Variants in ZAN observed in about 807,000 individuals in gnomAD.
The protein encoded by ZAN is zonadhesin.
Under a neutral mutation model 286.2 loss-of-function variants are expected in ZAN, and 260 were observed. That is an observed-to-expected ratio of 0.91 (90% CI 0.82 to 1.01). The LOEUF (loss-of-function observed/expected upper bound fraction) is 1.01. Among genes scored for constraint, ZAN ranks in the 50% least tolerant of loss-of-function variants. ZAN has a pLI of 0.00. For missense variants in ZAN, 3,410 were observed against 3,639.2 expected (o/e 0.94, Z 1.62); for synonymous variants, 1,368 against 1,417.5 (o/e 0.97, Z 0.79).
chr7:100,769,276 T>C (rs527370455), intron 27 of ZAN, among the ~76,000 whole-genome samples: 1 of 151,836 alleles, frequency 6.6e-6, no homozygotes, highest in South Asian at 2.1e-4. Context: ...GTATTTTTAT[T>C]TGAGACAGCG....
intron 39 of ZAN, among the ~76,000 whole-genome samples, 188 bp from the exon 40 acceptor site, chr7:100,790,754 G>A (rs1811884794): frequency 6.6e-6 from 1 of 151,108 alleles, no homozygotes. Context: ...ATGGTGGTGT[G>A]TGCCTGTAGT....
At chr7:100,778,812 C>G (rs1038764425) in intron 34 of ZAN, among the ~76,000 whole-genome samples, 8 of 152,010 alleles carry the variant, frequency 5.3e-5, no homozygotes, top group Admixed American at 1.3e-4. Flanking sequence ...GCGGGTGGAT[C>G]ACTTGAGGCC....
At position 100,738,864 on chromosome 7, in the gene ZAN, C is replaced by CTCTTCTTCTTCT. The variant is rs201544312; in HGVS notation, c.766+252_766+263dup. On this transcript the variant is annotated intron_variant, in intron 7 of 47. Coordinates refer to ENST00000613979, the MANE Select transcript of ZAN (RefSeq NM_003386.3). ...GCTCTTCTTCTTCTTCTTTCTCTTC[C>CTCTTCTTCTTCT]TCTTCTTCTTCTCCCTCTCCCTCTC... Among the ~76,000 whole-genome samples, 67 of 79,358 alleles carry CTCTTCTTCTTCT rather than the reference C, an allele frequency of 8.4e-4. 11 individuals carry two copies. The highest frequency in any genetic ancestry group is 1.6e-3 in the Non-Finnish European group (51 of 32,468). The allele number at this position is 79,358 out of a possible 152,430, so 52.1% of individuals were successfully genotyped here. A position where few individuals can be genotyped will look rare whatever the true frequency, so the allele number is the denominator to read the frequency against.
At chr7:100,768,562 C>A (rs1407113217) in intron 26 of ZAN, 48 bp from the exon 27 acceptor site, 1 of 1,509,578 alleles carries the variant, frequency 6.6e-7, no homozygotes, top group Non-Finnish European at 9.0e-7. Flanking sequence ...TGGGGCCTGG[C>A]CTGCTGGGGG....
In ZAN at chr7:100,779,554, G is replaced by C; in HGVS notation, c.6426G>C (p.Glu2142Asp). 6.2e-7 allele frequency: 1 copy of C among 1,611,784 alleles called. No individual in the cohort carries two copies. Among genetic ancestry groups the C allele is most frequent in the Non-Finnish European group, 8.5e-7 (1 of 1,179,074 alleles). The change falls in exon 35 of 48, where the codon GAG becomes GAC. Residue 2142 changes from glutamate (E) to aspartate (D), a missense_variant. This residue lies in a region of ZAN where 1,289 missense variants were observed against 1,314.3 expected (regional missense o/e 0.98). Transcript: ENST00000613979. ...TCCGCAGGGCGCGGGAAAAGTGCGAGGCAGCGCTCCGGGCTCCTGTGTGGG... is the reference window on the plus strand; with the variant it reads ...TCCGCAGGGCGCGGGAAAAGTGCGACGCAGCGCTCCGGGCTCCTGTGTGGG... ...ADLRRAREKC[E>D]AALRAPVWAQ...
chr7:100,745,965 T>C (rs568080973), intron 7 of ZAN, among the ~76,000 whole-genome samples: 1 of 152,122 alleles, frequency 6.6e-6, no homozygotes, highest in Non-Finnish European at 1.5e-5. Flanking sequence ...GGCTCATGTC[T>C]GTAATCCCAG....
In ZAN at chr7:100,779,489, C is replaced by G; in HGVS notation, c.6361C>G (p.Gln2121Glu). ...AGATGAGCAGCAGATTCCAGCGGAACAGCAGGAGAACCCGAGTGGAAACTG... is the reference window on the plus strand; with the variant it reads ...AGATGAGCAGCAGATTCCAGCGGAAGAGCAGGAGAACCCGAGTGGAAACTG... ...LVDEQQIPAEQQENPSGNCRA... is the reference protein window; with the variant it reads ...LVDEQQIPAEEQENPSGNCRA... Residue 2121 changes from glutamine (Q) to glutamate (E), a missense_variant, in exon 35 of 48, where the codon CAG (glutamine) becomes GAG (glutamate). Transcript: ENST00000613979. 1 of 1,611,858 alleles carries G rather than the reference C, an allele frequency of 6.2e-7. No homozygotes were observed. Among genetic ancestry groups the G allele is most frequent in the Non-Finnish European group, 8.5e-7 (1 of 1,179,160 alleles).
intron 35 of ZAN, among the ~76,000 whole-genome samples, chr7:100,780,744 T>C (rs1811145416): frequency 6.6e-6 from 1 of 152,046 alleles, no homozygotes; most frequent in Non-Finnish European, 1.5e-5. Flanking sequence ...CTGGTTCATG[T>C]CTCAGTATTT....
rs776173856 is a variant in ZAN, at chr7:100,795,307, C to T, written c.8237C>T (p.Pro2746Leu). The T allele has an allele frequency of 4.4e-6, 7 of 1,598,802 alleles. No homozygotes were observed. In the South Asian group the frequency reaches 6.7e-5, roughly 15 times the overall value. Residue 2746 changes from proline (P) to leucine (L), a missense_variant, in exon 45 of 48, where the codon CCT (proline) becomes CTT (leucine). By Grantham distance (98) the Pro-to-Leu change is moderately conservative. Coordinates refer to ENST00000613979, the MANE Select transcript of ZAN (RefSeq NM_003386.3). ...TACGGGGGAGGCCTGTGTATGGAGC[C>T]TCGAGATGCGCCACCTCCCAGAAAG... is the stretch of plus-strand genomic sequence containing the variant. ...VGYGGGLCME[P>L]RDAPPPRKPA... is the part of the protein sequence containing the mutation.
In ZAN at chr7:100,768,616, A is replaced by G. The variant is rs1266831934; in HGVS notation, c.5048A>G (p.Tyr1683Cys). 5.0e-6 allele frequency: 8 copies of G among 1,604,226 alleles called. No homozygotes were observed. The highest frequency in any genetic ancestry group is 6.8e-6 in the Non-Finnish European group (8 of 1,174,646). Residue 1683 changes from tyrosine to cysteine, a missense_variant, in exon 27 of 48, where the codon TAC becomes TGC. Coordinates refer to ENST00000613979, the MANE Select transcript of ZAN (RefSeq NM_003386.3). The part of the protein sequence containing the change: ...GGQLCGLCGN[Y>C]NNNSLDDNLR... ...TAATGACTCCCTCCTCTAGGGAACT[A>G]CAACAACAACAGCTTGGATGACAAC...
rs754970713 is a variant in ZAN at position 100,775,838 on chromosome 7, G to T, written c.6192+5G>T. The T allele has an allele frequency of 1.2e-6, 2 of 1,613,342 alleles. No individual in the cohort carries two copies. Among genetic ancestry groups the T allele is most frequent in the Non-Finnish European group, 1.7e-6 (2 of 1,179,670 alleles). On this transcript the variant is annotated splice_donor_5th_base_variant and intron_variant, in intron 33 of 47. Transcript: ENST00000613979. The stretch of plus-strand genomic sequence containing the variant: ...CCCACAACCTACTATGGAAAGGTGA[G>T]GAAAACATCTGGCTCTTCTCGCTGG...
chr7:100,784,721 C>T lies in ZAN; in HGVS notation c.6721C>T (p.Pro2241Ser), dbSNP rs1456257922. Reference sequence around the variant, plus strand: ...TGGCCGGTGTGAGGGCGCCAAAGTCCCCTCTGCCTGCGCTGAGGGCTGCAT... The same window carrying T: ...TGGCCGGTGTGAGGGCGCCAAAGTCTCCTCTGCCTGCGCTGAGGGCTGCAT... ...LDGRCEGAKV[P>S]SACAEGCICQ... Residue 2241 changes from proline to serine, a missense_variant, in exon 36 of 48, where the codon CCC becomes TCC. Around this residue, in one of 7 missense-constraint regions of ZAN, gnomAD observed 1,289 missense variants for 1,314.3 expected, o/e 0.98. Transcript: ENST00000613979. 3 of 1,613,820 alleles carry T rather than the reference C, an allele frequency of 1.9e-6. No homozygotes were observed. The African/African-American group carries it at 4.0e-5, about 22-fold the overall frequency.
At chr7:100,784,524 C>G in intron 35 of ZAN, 99 bp from the exon 36 acceptor site, 1 of 1,208,108 alleles carries the variant, frequency 8.3e-7, no homozygotes, top group Middle Eastern at 2.9e-4. Context: ...GCTCCCCAAG[C>G]CTTGTTGGTC....
In ZAN at chr7:100,764,033, C is replaced by T. The variant is rs1037918920; in HGVS notation, c.4104C>T (p.Cys1368=). 1.2e-6 allele frequency: 2 copies of T among 1,613,884 alleles called. No homozygotes were observed. The highest frequency in any genetic ancestry group is 2.7e-5 in the African/African-American group (2 of 75,050). ...LVDTHGPFET[C]LLHVKAASFF... ...ACTTGGTCACTCCCCTCAGGACATG[C>T]CTGCTGCACGTGAAGGCCGCTTCCT... The change falls in exon 22 of 48, where the codon TGC becomes TGT. Residue 1368 remains cysteine (C), a synonymous_variant. Transcript: ENST00000613979.
At position 100,776,466 on chromosome 7, in the gene ZAN, T is replaced by C. The variant is rs746463797; in HGVS notation, c.6219T>C (p.Asn2073=). The C allele has an allele frequency of 1.2e-6, 2 of 1,604,758 alleles. No homozygotes were observed. Among genetic ancestry groups the C allele is most frequent in the Non-Finnish European group, 1.7e-6 (2 of 1,175,630 alleles). ...TCTGCGGCATGTGTGGGAACTTCAA[T>C]GATGAGGAAGAGGACGAACTAATGA... ...GKVCGMCGNF[N]DEEEDELMMP... The change falls in exon 34 of 48, where the codon AAT becomes AAC. Residue 2073 remains asparagine (N), a synonymous_variant. Coordinates refer to ENST00000613979, the MANE Select transcript of ZAN (RefSeq NM_003386.3).
chr7:100,787,647 T>C (rs1241870502), intron 37 of ZAN, among the ~76,000 whole-genome samples: 2 of 152,116 alleles, frequency 1.3e-5, no homozygotes, highest in African/African-American at 2.4e-5. Context: ...CTACAACCTC[T>C]GCCTCCCGGG....
At chr7:100,779,387 A>T (rs1811035153) in intron 34 of ZAN, 59 bp from the exon 35 acceptor site, 1 of 1,497,704 alleles carries the variant, frequency 6.7e-7, no homozygotes, top group Admixed American at 2.2e-5. Flanking sequence ...AAAGAAAAAA[A>T]AATTTTGTGT....
In ZAN at chr7:100,764,175, TG is replaced by T; in HGVS notation, c.4248del (p.Trp1416Ter). On this transcript the variant is annotated frameshift_variant, in exon 22 of 48. Coordinates refer to ENST00000613979, the MANE Select transcript of ZAN (RefSeq NM_003386.3). LOFTEE classifies it high-confidence loss of function. Reference protein sequence around the residue: ...CQDAGHAVKPWREPHFCPMAC... With the variant: ...CQDAGHAVKPXREPHFCPMAC... ...GGACGCAGGCCACGCTGTGAAGCCC[TG>T]GAGGGAACCCCACTTCTGCCGTGAG... The T allele has an allele frequency of 6.3e-7, 1 of 1,580,396 alleles. No homozygotes were observed. The highest frequency in any genetic ancestry group is 8.6e-7 in the Non-Finnish European group (1 of 1,164,018).
At position 100,773,312 on chromosome 7, in the gene ZAN, A is replaced by G; in HGVS notation, c.5453A>G (p.Tyr1818Cys). 1 of 1,613,738 alleles carries G rather than the reference A, an allele frequency of 6.2e-7. No homozygotes were observed. The highest frequency in any genetic ancestry group is 1.1e-5 in the South Asian group (1 of 91,078). The change falls in exon 30 of 48, where the codon TAC (tyrosine) becomes TGC (cysteine). Residue 1818 changes from tyrosine to cysteine, a missense_variant. By Grantham distance (194) the Tyr-to-Cys change is radical (BLOSUM62 -2). Around this residue, in one of 7 missense-constraint regions of ZAN, gnomAD observed 1,289 missense variants for 1,314.3 expected, o/e 0.98. Coordinates refer to ENST00000613979, the MANE Select transcript of ZAN (RefSeq NM_003386.3). Reference protein sequence around the residue: ...CPMRCPPGSSYSPCSSPCPDT... With the variant: ...CPMRCPPGSSCSPCSSPCPDT... ...ATGAGGTGCCCACCTGGCAGCAGCTACAGCCCCTGCAGCAGCCCCTGCCCA... is the reference window on the plus strand; with the variant it reads ...ATGAGGTGCCCACCTGGCAGCAGCTGCAGCCCCTGCAGCAGCCCCTGCCCA...
Sources: allele counts gnomAD v4.1 joint callset (sites outside exome capture counted in the v4.1 genomes callset), GRCh38; gene constraint gnomAD v4.1.1; regional missense constraint gnomAD v4.1.1; transcripts MANE v1.5; gene names NCBI Gene and HGNC (gene_info 2026-07-23, HGNC 2026-07-21).